NEB: variants seen among roughly 807,000 people sequenced by gnomAD.
NEB encodes the protein nemaline myopathy type 2.
NEB carries 512 observed loss-of-function variants against 952.2 expected under a neutral mutation model. That is an observed-to-expected ratio of 0.54 (90% CI 0.50 to 0.58). NEB has a LOEUF of 0.58. Among genes scored for constraint, NEB ranks in the 20% least tolerant of loss-of-function variants. NEB has a pLI of 0.00. For missense variants in NEB, 8,428 were observed against 9,231.1 expected (o/e 0.91, Z 3.56); for synonymous variants, 2,900 against 3,149.8 (o/e 0.92, Z 2.66).
chr2:151,633,128 G>A (rs1237645373), intron 65 of NEB, among the ~76,000 whole-genome samples: 3 of 152,196 alleles, frequency 2.0e-5, no homozygotes, highest in East Asian at 3.8e-4. Context: ...ATTTGAGATA[G>A]TGTATCTGCT....
At position 151,642,777 on chromosome 2, in the gene NEB, TACTTTGTTTTGTTTAGCTAATAAA is replaced by T; in HGVS notation, c.8229_8252del (p.Leu2744_Val2751del). The T allele has an allele frequency of 1.2e-6, 2 of 1,610,664 alleles. No individual in the cohort carries two copies. Among genetic ancestry groups the T allele is most frequent in the Non-Finnish European group, 1.7e-6 (2 of 1,177,636 alleles). ...ATATATTACTTACCTCACTGTAATT[TACTTTGTTTTGTTTAGCTAATAAA>T]ACTTCAGGGGTATCTGGCATAATGT... On this transcript the variant is annotated inframe_deletion, in exon 59 of 182. Coordinates refer to ENST00000397345, the MANE Select transcript of NEB (RefSeq NM_001164508.2).
intron 13 of NEB, among the ~76,000 whole-genome samples, chr2:151,702,960 G>A (rs2099682238): frequency 6.6e-6 from 1 of 152,070 alleles, no homozygotes; most frequent in Non-Finnish European, 1.5e-5. Flanking sequence ...AGTCTCGATG[G>A]TCTTTACATT....
At chr2:151,500,321 C>T (rs900369559) in intron 168 of NEB, among the ~76,000 whole-genome samples, 2 of 152,026 alleles carry the variant, frequency 1.3e-5, no homozygotes, top group Non-Finnish European at 2.9e-5. Context: ...TCCCACTCCC[C>T]AGAAAAAAAT....
Position 151,496,976 on chromosome 2 carries a change from C to CCAT in NEB, c.24355_24357dup (p.Met8119dup), listed in dbSNP as rs942843328. The CCAT allele has an allele frequency of 6.3e-6, 10 of 1,581,242 alleles. No homozygotes were observed. The highest frequency in any genetic ancestry group is 3.3e-4 in the Middle Eastern group (2 of 6,046). ...TTTTCTTGATTGTGTTTGACTCTCT[C>CCAT]CATCTCAGGAGTGACAGGTAGAGGG... On this transcript the variant is annotated inframe_insertion, in exon 172 of 182. Transcript: ENST00000397345.
chr2:151,491,037 C>CTT (rs35824119), intron 179 of NEB, among the ~76,000 whole-genome samples: 2 of 138,052 alleles, frequency 1.4e-5, no homozygotes, highest in African/African-American at 2.6e-5. Flanking sequence ...ACATAATATC[C>CTT]TTTTTTTTTT....
chr2:151,514,997 G>T, intron 157 of NEB, 69 bp from the exon 158 acceptor site: 2 of 968,842 alleles, frequency 2.1e-6, no homozygotes, highest in Non-Finnish European at 1.5e-6. Context: ...TCCATCTCAG[G>T]AAGAAAAAAA....
intron 133 of NEB, among the ~76,000 whole-genome samples, chr2:151,546,955 C>A (rs1208518127): frequency 6.6e-6 from 1 of 152,042 alleles, no homozygotes; most frequent in Non-Finnish European, 1.5e-5. Context: ...GAGAACACTG[C>A]TATTATTTTA....
rs1414073396 is a variant in NEB, at chr2:151,541,488, C to T, written c.20641G>A (p.Asp6881Asn). 1.2e-6 allele frequency: 2 copies of T among 1,613,324 alleles called. No individual in the cohort carries two copies. Among genetic ancestry groups the T allele is most frequent in the East Asian group, 4.5e-5 (2 of 44,866 alleles). ...TGCCCTCGCTTGGCTCTTAAAAGAT[C>T]AGGAGTATCAGGAACTGAAGTAAAG... ...SIFTSVPDTP[D>N]LLRAKRGQKL... Residue 6881 changes from aspartate to asparagine, a missense_variant, in exon 136 of 182, where the codon GAT (aspartate) becomes AAT (asparagine). Asp to Asn is a conservative substitution (Grantham distance 23, BLOSUM62 1). This residue lies in a region of NEB where 3,374 missense variants were observed against 3,651.5 expected (regional missense o/e 0.92). Transcript: ENST00000397345.
chr2:151,699,876 G>A (rs956431797), intron 13 of NEB, among the ~76,000 whole-genome samples: 5 of 150,266 alleles, frequency 3.3e-5, no homozygotes, highest in African/African-American at 4.9e-5. Flanking sequence ...AATTAGATCC[G>A]ATTTGTCAAT....
chr2:151,681,400 C>T (rs1430950668), intron 29 of NEB, among the ~76,000 whole-genome samples: 1 of 152,176 alleles, frequency 6.6e-6, no homozygotes, highest in African/African-American at 2.4e-5. Flanking sequence ...GCAGAGGAGA[C>T]CCTGGGTAGG....
intron 124 of NEB, among the ~76,000 whole-genome samples, chr2:151,557,529 T>C (rs1450785422): frequency 6.6e-6 from 1 of 152,192 alleles, no homozygotes; most frequent in Non-Finnish European, 1.5e-5. Flanking sequence ...GAGGCCGGCA[T>C]CATCCTGATA....
chr2:151,654,228 G>C lies in NEB; in HGVS notation c.6808-129C>G, dbSNP rs965534118. Reference sequence around the variant, plus strand: ...CATCTACCCTATCTTTAAAGATATGGATAAAAATAAAACAAGCTGTTTAAA... The same window carrying C: ...CATCTACCCTATCTTTAAAGATATGCATAAAAATAAAACAAGCTGTTTAAA... On this transcript the variant is annotated intron_variant, in intron 51 of 181. Coordinates refer to ENST00000397345, the MANE Select transcript of NEB (RefSeq NM_001164508.2). 9.7e-5 allele frequency: 48 copies of C among 496,916 alleles called. 1 individual carries two copies. Among genetic ancestry groups the C allele is most frequent in the Non-Finnish European group, 4.5e-5 (13 of 289,138 alleles). The allele number at this position is 496,916 out of a possible 1,614,324, so 30.8% of individuals were successfully genotyped here.
chr2:151,647,721 G>A (rs965305144), intron 54 of NEB, among the ~76,000 whole-genome samples: 3 of 152,112 alleles, frequency 2.0e-5, no homozygotes, highest in Admixed American at 6.5e-5. Context: ...TGTTCTTTAC[G>A]AATGTCAAAA....
intron 12 of NEB, among the ~76,000 whole-genome samples, chr2:151,708,703 C>T (rs1364285486): frequency 6.6e-6 from 1 of 152,184 alleles, no homozygotes; most frequent in African/African-American, 2.4e-5. Context: ...CTGACACTTC[C>T]ATGTGGATGT....
At position 151,654,004 on chromosome 2, in the gene NEB, G is replaced by A. The variant is rs376626113; in HGVS notation, c.6903C>T (p.Asp2301=). 1.2e-6 allele frequency: 2 copies of A among 1,610,396 alleles called. No individual in the cohort carries two copies. The highest frequency in any genetic ancestry group is 2.7e-5 in the African/African-American group (2 of 74,958). ...ISVQLAKASR[D]IASDYKYKQG... is the part of the protein sequence containing the mutation. ...AACTAGTACTCACATCACTAGCAAT[G>A]TCTCTTGAAGCTTTAGCTAGCTGTA... Residue 2301 remains aspartate, a synonymous_variant, in exon 52 of 182, where the codon GAC becomes GAT. Coordinates refer to ENST00000397345, the MANE Select transcript of NEB (RefSeq NM_001164508.2).
rs564759053 is a variant in NEB, at chr2:151,636,019, A to G, written c.9102+208T>C. 2.6e-5 allele frequency among the ~76,000 whole-genome samples: 4 copies of G among 152,300 alleles called. No individual in the cohort carries two copies. The East Asian group carries it at 7.7e-4, about 29-fold the overall frequency. ...CTCTATTTTTGGTTGACCAGTTTTCACAGAAGACGCTGTGTCCTGTAGGTT... is the reference window on the plus strand; with the variant it reads ...CTCTATTTTTGGTTGACCAGTTTTCGCAGAAGACGCTGTGTCCTGTAGGTT... On this transcript the variant is annotated intron_variant, in intron 64 of 181. Coordinates refer to ENST00000397345, the MANE Select transcript of NEB (RefSeq NM_001164508.2).
chr2:151,551,918 T>G, intron 128 of NEB, 73 bp from the exon 129 acceptor site: 1 of 1,034,162 alleles, frequency 9.7e-7, no homozygotes, highest in Non-Finnish European at 1.5e-6. Flanking sequence ...AAAATAACGG[T>G]AGCCTGCTTC....
chr2:151,707,587 C>G (rs964215524), intron 12 of NEB, among the ~76,000 whole-genome samples: 1 of 152,120 alleles, frequency 6.6e-6, no homozygotes, highest in African/African-American at 2.4e-5. Flanking sequence ...ACTTTTAATT[C>G]CAGCTATGGC....
At chr2:151,539,826 A>G (rs9287981) in intron 138 of NEB, among the ~76,000 whole-genome samples, 98,487 of 152,116 alleles carry the variant, frequency 0.65, 32,188 homozygotes, top group East Asian at 0.78. Context: ...ATTAAGAGAA[A>G]AAAGGGAACA....
Sources: gnomAD v4.1 joint callset for allele counts (sites outside exome capture counted in the v4.1 genomes callset) on GRCh38, gnomAD v4.1.1 for gene constraint, gnomAD v4.1.1 regional missense constraint, MANE v1.5 for transcripts, NCBI Gene and HGNC (gene_info 2026-07-23, HGNC 2026-07-21) for gene names.